Variants in PRPF8 observed in about 807,000 individuals in gnomAD.
The protein encoded by PRPF8 is pre-mRNA processing factor 8, also known as pre-mRNA-processing-splicing factor 8.
Under a neutral mutation model 285.9 loss-of-function variants are expected in PRPF8, and 64 were observed. The observed-to-expected ratio is 0.22, with a 90% CI of 0.18 to 0.28. The LOEUF (loss-of-function observed/expected upper bound fraction) is 0.28. PRPF8 is among the 10% of genes least tolerant of loss of function. The pLI is 1.00. For missense variants in PRPF8, 1,426 were observed against 3,026.7 expected (o/e 0.47, Z 12.41); for synonymous variants, 1,325 against 1,118.2 (o/e 1.18, Z -3.69).
intron 11 of PRPF8, 23 bp downstream of exon 11, chr17:1,678,994 C>A (rs1417260338): frequency 6.2e-7 from 1 of 1,613,740 alleles, no homozygotes; most frequent in Admixed American, 1.7e-5. Flanking sequence ...GCCCAGGAGG[C>A]CCCTAGGGTC....
At chr17:1,670,776 C>T (rs745401165) in intron 24 of PRPF8, among the ~76,000 whole-genome samples, 1 of 152,136 alleles carries the variant, frequency 6.6e-6, no homozygotes, top group Non-Finnish European at 1.5e-5. Flanking sequence ...CGTGAGCCCC[C>T]GCGCCTGGCC....
At chr17:1,678,419 G>A in intron 13 of PRPF8, 99 bp downstream of exon 13, 1 of 1,476,986 alleles carries the variant, frequency 6.8e-7, no homozygotes, top group Non-Finnish European at 9.4e-7. Context: ...GGAGGCGGAG[G>A]TTGCAGTGAG....
rs1034813716 is a variant in PRPF8 at position 1,660,331 on chromosome 17, C to A, written c.4785+101G>T. 3.8e-6 allele frequency: 6 copies of A among 1,571,878 alleles called. No homozygotes were observed. In the African/African-American group the frequency reaches 6.7e-5, roughly 18 times the overall value. ...GAGCTGACTCTGTACAGTACCCTCTCCCCTCGATTCCACCTGAGCTGACTC... is the reference window on the plus strand; with the variant it reads ...GAGCTGACTCTGTACAGTACCCTCTACCCTCGATTCCACCTGAGCTGACTC... On this transcript the variant is annotated intron_variant, in intron 30 of 42. Transcript: ENST00000304992.
In PRPF8 at chr17:1,677,332, C is replaced by T. The variant is rs1300680247; in HGVS notation, c.1985-160G>A. The stretch of plus-strand genomic sequence containing the variant: ...ATGCAAAAAGACGAGCTACCTTAAA[C>T]ATTCACAACTATGCTTCTGAGGAAT... On this transcript the variant is annotated intron_variant, in intron 14 of 42. Coordinates refer to ENST00000304992, the MANE Select transcript of PRPF8 (RefSeq NM_006445.4). 1.0e-5 allele frequency: 10 copies of T among 965,822 alleles called. 1 individual carries two copies. In the East Asian group the frequency reaches 2.3e-4, roughly 22 times the overall value. 59.8% of individuals were successfully genotyped at this position (965,822 alleles called of 1,614,324 possible). A position where few individuals can be genotyped will look rare whatever the true frequency, so the allele number is the denominator to read the frequency against.
At chr17:1,663,109 T>C (rs1911764606) in intron 24 of PRPF8, among the ~76,000 whole-genome samples, 1 of 152,184 alleles carries the variant, frequency 6.6e-6, no homozygotes, top group South Asian at 2.1e-4. Flanking sequence ...GTTCTTGTAC[T>C]ATATGTGAAG....
chr17:1,678,026 C>T (rs1167879386), intron 13 of PRPF8, among the ~76,000 whole-genome samples: 2 of 151,998 alleles, frequency 1.3e-5, no homozygotes, highest in Non-Finnish European at 2.9e-5. Context: ...AAAGTTAAGT[C>T]CAGTGAGGCT....
rs537715077 is a variant in PRPF8, at chr17:1,661,643, T to G, written c.4170A>C (p.Ala1390=). ...GAGCAATGGCCTCTTGCCTCTTGAGTGCGTACTCAGCCCAGACCCGCTGAG... is the reference window on the plus strand; with the variant it reads ...GAGCAATGGCCTCTTGCCTCTTGAGGGCGTACTCAGCCCAGACCCGCTGAG... ...IDSQRVWAEY[A]LKRQEAIAQN... Residue 1390 remains alanine, a synonymous_variant, in exon 26 of 43, where the codon GCA becomes GCC. Coordinates refer to ENST00000304992, the MANE Select transcript of PRPF8 (RefSeq NM_006445.4). The surrounding 1 kb of genome is among the most constrained non-coding windows in gnomAD (Gnocchi z 7.3). The G allele has an allele frequency of 3.7e-6, 6 of 1,613,672 alleles. No homozygotes were observed. The South Asian group carries it at 6.6e-5, about 18-fold the overall frequency.
At chr17:1,663,941 G>C (rs553293811) in intron 24 of PRPF8, among the ~76,000 whole-genome samples, 1 of 152,234 alleles carries the variant, frequency 6.6e-6, no homozygotes, top group Admixed American at 6.5e-5. Flanking sequence ...AACTCGTTCA[G>C]AAGACCTAAT....
intron 37 of PRPF8, chr17:1,654,779 TACC>T (rs1234467791): frequency 1.2e-5 from 2 of 164,438 alleles, no homozygotes; most frequent in East Asian, 1.7e-4. Context: ...TACAAGCGTG[TACC>T]ACCACACCTG....
Position 1,677,242 on chromosome 17 carries a change from T to C in PRPF8, c.1985-70A>G, listed in dbSNP as rs1378900757. 2.0e-5 allele frequency: 28 copies of C among 1,401,540 alleles called. No individual in the cohort carries two copies. The South Asian group carries it at 2.9e-4, about 14-fold the overall frequency. The allele number at this position is 1,401,540 out of a possible 1,614,324, so 86.8% of individuals were successfully genotyped here. On this transcript the variant is annotated intron_variant, in intron 14 of 42. Coordinates refer to ENST00000304992, the MANE Select transcript of PRPF8 (RefSeq NM_006445.4). ...CTTTCAATAAGGGTCTCTACCTTCA[T>C]GCTCCTCACTCATTATGGTTATTAA...
intron 8 of PRPF8, chr17:1,680,446 G>C (rs775617565): frequency 2.6e-5 from 14 of 533,824 alleles, no homozygotes; most frequent in Non-Finnish European, 4.4e-5. Context: ...TCAATATAAA[G>C]GCTAAAACAA....
chr17:1,683,383 G>A lies in PRPF8; in HGVS notation c.269+150C>T, dbSNP rs183945629. On this transcript the variant is annotated intron_variant, in intron 3 of 42. Coordinates refer to ENST00000304992, the MANE Select transcript of PRPF8 (RefSeq NM_006445.4). ...GGGGAAACAGACTGCAAAAGTGGAA[G>A]ATGTAGAAATTATCAGAGACTCCTA... 126 of 839,780 alleles carry A rather than the reference G, an allele frequency of 1.5e-4. 2 individuals are homozygous for A. The highest frequency in any genetic ancestry group is 3.6e-4 in the Admixed American group (18 of 49,520). The allele number at this position is 839,780 out of a possible 1,614,324, so 52.0% of individuals were successfully genotyped here. A position where few individuals can be genotyped will look rare whatever the true frequency, so the allele number is the denominator to read the frequency against.
In PRPF8 at chr17:1,659,060, CTG is replaced by C. The variant is rs1911547852; in HGVS notation, c.5138+295_5138+296del. The C allele has an allele frequency of 1.8e-6, 1 of 549,892 alleles. No homozygotes were observed. The highest frequency in any genetic ancestry group is 1.9e-5 in the African/African-American group (1 of 53,006). The allele number at this position is 549,892 out of a possible 1,614,324, so 34.1% of individuals were successfully genotyped here. ...TTTTTCTTTGAGATGGAGTCTCACT[CTG>C]TCGCCCAGGCTGGAGTGCAGTGGCG... On this transcript the variant is annotated intron_variant, in intron 32 of 42. Transcript: ENST00000304992. The surrounding 1 kb of genome is among the most constrained non-coding windows in gnomAD (Gnocchi z 5.1).
rs373035887 is a variant in PRPF8 at position 1,653,081 on chromosome 17, G to C, written c.6369+461C>G. ...AACCTCCCTAGTAGCTGCAACTACG[G>C]GCGCATGCCACCATGCCTGGCTAAT... On this transcript the variant is annotated intron_variant, in intron 39 of 42. Coordinates refer to ENST00000304992, the MANE Select transcript of PRPF8 (RefSeq NM_006445.4). This position sits in a 1 kb window ranked among gnomAD's most constrained non-coding sequence, Gnocchi z 4.9. The C allele has an allele frequency of 3.6e-4, 100 of 278,408 alleles. 1 individual carries two copies. In the East Asian group the frequency reaches 5.9e-3, roughly 17 times the overall value. 17.2% of individuals were successfully genotyped at this position (278,408 alleles called of 1,614,324 possible). A position where few individuals can be genotyped will look rare whatever the true frequency, so the allele number is the denominator to read the frequency against.
In PRPF8 at chr17:1,679,313, G is replaced by C. The variant is rs767688255; in HGVS notation, c.1387C>G (p.Pro463Ala). 1.2e-6 allele frequency: 2 copies of C among 1,613,998 alleles called. No homozygotes were observed. The highest frequency in any genetic ancestry group is 1.7e-6 in the Non-Finnish European group (2 of 1,180,036). Residue 463 changes from proline (P) to alanine (A), a missense_variant, in exon 10 of 43, where the codon CCC becomes GCC. Pro to Ala is a conservative substitution (Grantham distance 27, BLOSUM62 -1). Coordinates refer to ENST00000304992, the MANE Select transcript of PRPF8 (RefSeq NM_006445.4). The surrounding 1 kb of genome is among the most constrained non-coding windows in gnomAD (Gnocchi z 4.7). ...TACCTCTTCTTTTGAGCCTTAGGGGGCCGATGCTTCAGGGCATTCAGCACA... is the reference window on the plus strand; with the variant it reads ...TACCTCTTCTTTTGAGCCTTAGGGGCCCGATGCTTCAGGGCATTCAGCACA... ...YYVLNALKHRPPKAQKKRYLF... is the reference protein window; with the variant it reads ...YYVLNALKHRAPKAQKKRYLF...
chr17:1,668,422 C>T (rs553056398), intron 24 of PRPF8, among the ~76,000 whole-genome samples: 3 of 137,270 alleles, frequency 2.2e-5, no homozygotes, highest in East Asian at 2.1e-4. Context: ...AGTGCAGTGT[C>T]GCGATCTCGG....
chr17:1,678,939 A>G, intron 11 of PRPF8, 58 bp from the exon 12 acceptor site: 1 of 1,613,836 alleles, frequency 6.2e-7, no homozygotes, highest in Non-Finnish European at 8.5e-7. Context: ...CAACTGATGT[A>G]TGCCTTCATC....
chr17:1,678,296 C>T (rs1912719749), intron 13 of PRPF8: 6 of 556,956 alleles, frequency 1.1e-5, no homozygotes, highest in Admixed American at 3.0e-5. Context: ...GCTGGGGCAA[C>T]AGAGAAAGAC....
At chr17:1,652,428 G>A (rs1001811546) in intron 39 of PRPF8, among the ~76,000 whole-genome samples, 1 of 152,228 alleles carries the variant, frequency 6.6e-6, no homozygotes, top group East Asian at 1.9e-4. Flanking sequence ...TAAGAGAGAC[G>A]GGGTTTCGCC....
Sources: allele counts gnomAD v4.1 joint callset (sites outside exome capture counted in the v4.1 genomes callset), GRCh38; gene constraint gnomAD v4.1.1; non-coding constraint Gnocchi (gnomAD v3.1); transcripts MANE v1.5; gene names NCBI Gene and HGNC (gene_info 2026-07-23, HGNC 2026-07-21).